RIC8B: variants seen among roughly 807,000 people sequenced by gnomAD.
RIC8B encodes the protein chaperone Ric-8B.
Under a neutral mutation model 57.5 loss-of-function variants are expected in RIC8B, and 16 were observed. The ratio of observed to expected loss-of-function variants is 0.28; its 90% confidence interval spans 0.19 to 0.42. RIC8B has a LOEUF of 0.42. Ranked by LOEUF, RIC8B falls within the 10% of genes least tolerant of loss-of-function variation. The pLI, the probability that RIC8B is intolerant of heterozygous loss-of-function variation, is 1.00. For synonymous variants in RIC8B, 216 were observed against 250.8 expected (o/e 0.86, Z 1.31); for missense variants, 481 against 677.0 (o/e 0.71, Z 3.21).
intron 3 of RIC8B, among the ~76,000 whole-genome samples, chr12:106,821,362 T>C (rs940325058): frequency 3.3e-5 from 5 of 152,202 alleles, no homozygotes; most frequent in African/African-American, 1.2e-4. Flanking sequence ...ACAGGTAACA[T>C]TGAAGTGCAG....
At chr12:106,885,295 A>G (rs1951123412) in intron 9 of RIC8B, among the ~76,000 whole-genome samples, 1 of 152,108 alleles carries the variant, frequency 6.6e-6, no homozygotes. Context: ...AACAAAAGCA[A>G]TGGTGTTTTT....
At chr12:106,806,784 A>G (rs1230029871) in intron 2 of RIC8B, among the ~76,000 whole-genome samples, 1 of 152,166 alleles carries the variant, frequency 6.6e-6, no homozygotes. Context: ...CGCCAAGATC[A>G]TGCCATTGCA....
rs766014876 is a variant in RIC8B, at chr12:106,825,782, C to G, written c.798C>G (p.Ile266Met). The G allele has an allele frequency of 3.7e-6, 6 of 1,613,520 alleles. No individual in the cohort carries two copies. The highest frequency in any genetic ancestry group is 1.6e-4 in the Middle Eastern group (1 of 6,082). The change falls in exon 4 of 10, where the codon ATC (isoleucine) becomes ATG (methionine). Residue 266 changes from isoleucine to methionine, a missense_variant. Ile to Met is a conservative substitution (Grantham distance 10). Coordinates refer to ENST00000392837, the MANE Select transcript of RIC8B (RefSeq NM_001330145.2). Reference sequence around the variant, plus strand: ...CTGTCCTTCGTCATTGTTTACTAATCGTAGGTCCAACTGAAGACAAAACAG... The same window carrying G: ...CTGTCCTTCGTCATTGTTTACTAATGGTAGGTCCAACTGAAGACAAAACAG... ...MAAVLRHCLL[I>M]VGPTEDKTEE...
chr12:106,798,080 GAATAA>G (rs1469002691), intron 2 of RIC8B: 1 of 716,452 alleles, frequency 1.4e-6, no homozygotes, highest in African/African-American at 1.7e-5. Flanking sequence ...GTAAGTGACT[GAATAA>G]AATAACTAGT....
intron 4 of RIC8B, among the ~76,000 whole-genome samples, chr12:106,826,657 G>A (rs2046115829): frequency 6.6e-6 from 1 of 152,200 alleles, no homozygotes; most frequent in Admixed American, 6.5e-5. Context: ...TCGGGAAGCC[G>A]AGGCAGGAGA....
At chr12:106,815,838 T>C (rs989141329) in intron 3 of RIC8B, among the ~76,000 whole-genome samples, 2 of 152,220 alleles carry the variant, frequency 1.3e-5, no homozygotes. Context: ...GGACCACAAC[T>C]AGATATCTGT....
At chr12:106,866,313 A>C (rs1432167539) in intron 8 of RIC8B, among the ~76,000 whole-genome samples, 1 of 152,158 alleles carries the variant, frequency 6.6e-6, no homozygotes, top group Non-Finnish European at 1.5e-5. Flanking sequence ...TTAGGATACC[A>C]AGAAAATTGA....
chr12:106,851,343 A>G (rs1188502997), intron 6 of RIC8B, 107 bp from the exon 7 acceptor site: 1 of 476,148 alleles, frequency 2.1e-6, no homozygotes. Flanking sequence ...TTTTGCTCCT[A>G]CAATACAAAC....
At chr12:106,863,602 T>C (rs1433751144) in intron 8 of RIC8B, among the ~76,000 whole-genome samples, 1 of 152,078 alleles carries the variant, frequency 6.6e-6, no homozygotes, top group Admixed American at 6.6e-5. Context: ...AACCAGGACA[T>C]GAAGATTTTT....
intron 9 of RIC8B, among the ~76,000 whole-genome samples, chr12:106,874,095 A>G (rs1486173205): frequency 6.6e-6 from 1 of 152,208 alleles, no homozygotes; most frequent in Non-Finnish European, 1.5e-5. Flanking sequence ...AACAGTTTAT[A>G]AAACACTTTC....
chr12:106,811,324 T>G (rs1425226612), intron 2 of RIC8B, among the ~76,000 whole-genome samples: 1 of 152,244 alleles, frequency 6.6e-6, no homozygotes, highest in Non-Finnish European at 1.5e-5. Flanking sequence ...TTAATCATAG[T>G]TCAGTGATTC....
intron 2 of RIC8B, among the ~76,000 whole-genome samples, chr12:106,799,982 G>A (rs1374625059): frequency 6.6e-6 from 1 of 152,038 alleles, no homozygotes; most frequent in Non-Finnish European, 1.5e-5. Context: ...ATTTCCTTTC[G>A]AAGCCTTTTC....
At chr12:106,797,278 A>G (rs1194660966) in intron 2 of RIC8B, among the ~76,000 whole-genome samples, 1 of 152,234 alleles carries the variant, frequency 6.6e-6, no homozygotes, top group East Asian at 1.9e-4. Context: ...GTGGATAAAT[A>G]AAATGTGTTA....
Position 106,782,048 on chromosome 12 carries a change from A to T in RIC8B, c.85-1949A>T, listed in dbSNP as rs183659187. On this transcript the variant is annotated intron_variant, in intron 1 of 9. Transcript: ENST00000392837. ...TTTTCTTGTTCTTTATTATCTATTT[A>T]AAAAAAATTTTTATTATGAAAACAA... Among the ~76,000 whole-genome samples, 636 of 152,082 alleles carry T rather than the reference A, an allele frequency of 4.2e-3. 2 individuals carry two copies. The highest frequency in any genetic ancestry group is 0.014 in the African/African-American group (579 of 41,508).
chr12:106,805,234 CCAA>C (rs959871881), intron 2 of RIC8B, among the ~76,000 whole-genome samples: 6 of 152,194 alleles, frequency 3.9e-5, no homozygotes, highest in Non-Finnish European at 1.5e-5. Flanking sequence ...AAAGATACCA[CCAA>C]CAACCAAGTT....
chr12:106,849,218 A>G (rs1017527036), intron 6 of RIC8B, among the ~76,000 whole-genome samples: 1 of 152,056 alleles, frequency 6.6e-6, no homozygotes, highest in South Asian at 2.1e-4. Flanking sequence ...AAAATATCTC[A>G]TATACCCCAT....
rs142664073 is a variant in RIC8B at position 106,852,610 on chromosome 12, G to A, written c.1306+1016G>A. ...TTAATTCTCATAATGACTCTCTAAG[G>A]TAAATATTATATTTTGATTTCATAA... On this transcript the variant is annotated intron_variant, in intron 7 of 9. Transcript: ENST00000392837. Among the ~76,000 whole-genome samples, 547 of 152,230 alleles carry A rather than the reference G, an allele frequency of 3.6e-3. 2 individuals carry two copies. Among genetic ancestry groups the A allele is most frequent in the Non-Finnish European group, 6.1e-3 (417 of 68,006 alleles).
At chr12:106,878,872 TA>T in intron 9 of RIC8B, 1 of 460,408 alleles carries the variant, frequency 2.2e-6, no homozygotes, top group Non-Finnish European at 2.9e-6. Flanking sequence ...ATATGTTACA[TA>T]AAAGGATCGG....
At chr12:106,854,209 G>C (rs1295232725) in intron 7 of RIC8B, among the ~76,000 whole-genome samples, 2 of 152,038 alleles carry the variant, frequency 1.3e-5, no homozygotes, top group African/African-American at 4.8e-5. Flanking sequence ...TTGTCAGCTA[G>C]TTCAAATTTA....
Sources: allele counts gnomAD v4.1 joint callset (sites outside exome capture counted in the v4.1 genomes callset), GRCh38; gene constraint gnomAD v4.1.1; transcripts MANE v1.5; gene names NCBI Gene and HGNC (gene_info 2026-07-23, HGNC 2026-07-21).